Variants in ZFAND3 observed in about 807,000 individuals in gnomAD.
ZFAND3 encodes the protein AN1-type zinc finger protein 3.
Under a neutral mutation model 29.6 loss-of-function variants are expected in ZFAND3, and 10 were observed. The ratio of observed to expected loss-of-function variants is 0.34; its 90% confidence interval spans 0.21 to 0.57. The LOEUF is 0.57. Among genes scored for constraint, ZFAND3 ranks in the 20% least tolerant of loss-of-function variants. The probability of loss-of-function intolerance (pLI) is 0.86; values close to 1 mark genes in which losing one functional copy is unlikely to be tolerated. For missense variants in ZFAND3, 230 were observed against 304.5 expected, an observed-to-expected ratio of 0.76 and a Z score of 1.82; for synonymous variants, 128 against 112.6, an observed-to-expected ratio of 1.14 and a Z score of -0.87.
intron 2 of ZFAND3, among the ~76,000 whole-genome samples, chr6:38,056,750 C>T (rs949542934): frequency 6.6e-6 from 1 of 152,178 alleles, no homozygotes; most frequent in African/African-American, 2.4e-5. Context: ...TTGCTAGCAC[C>T]ATTAGGTCAC....
rs1766295968 is a variant in ZFAND3 at position 38,154,119 on chromosome 6, G to T, written c.*1730G>T. Reference sequence around the variant, plus strand: ...GCTCTAGGGCAACCCAGGGCAGAGGGGCCAGGTCTGCCCAGCGTTTACCAC... The same window carrying T: ...GCTCTAGGGCAACCCAGGGCAGAGGTGCCAGGTCTGCCCAGCGTTTACCAC... On this transcript the variant is annotated 3_prime_UTR_variant, in exon 6 of 6. Coordinates refer to ENST00000287218, the MANE Select transcript of ZFAND3 (RefSeq NM_021943.3). The T allele has an allele frequency of 1.0e-6, 1 of 985,410 alleles. No individual in the cohort carries two copies. The highest frequency in any genetic ancestry group is 4.7e-5 in the South Asian group (1 of 21,298). The allele number at this position is 985,410 out of a possible 1,614,324, so 61.0% of individuals were successfully genotyped here.
intron 2 of ZFAND3, among the ~76,000 whole-genome samples, chr6:38,037,488 C>T (rs1763681361): frequency 2.0e-5 from 3 of 152,188 alleles, no homozygotes; most frequent in Non-Finnish European, 2.9e-5. Context: ...TATGTAACTT[C>T]TTGATAAAAA....
At chr6:38,036,054 C>T (rs551006656) in intron 2 of ZFAND3, among the ~76,000 whole-genome samples, 2 of 152,202 alleles carry the variant, frequency 1.3e-5, no homozygotes, top group Non-Finnish European at 2.9e-5. Flanking sequence ...AATTCAGGGT[C>T]CCCTCTCTCC....
intron 1 of ZFAND3, among the ~76,000 whole-genome samples, chr6:37,821,546 T>G (rs1038479107): frequency 6.6e-6 from 1 of 151,924 alleles, no homozygotes; most frequent in Non-Finnish European, 1.5e-5. Context: ...ACACAGGGAG[T>G]GTAGGGTGGA....
Position 37,936,381 on chromosome 6 carries a change from G to C in ZFAND3, c.112+6382G>C, listed in dbSNP as rs563397082. Among the ~76,000 whole-genome samples, 6 of 152,320 alleles carry C rather than the reference G, an allele frequency of 3.9e-5. No individual in the cohort carries two copies. The South Asian group carries it at 1.2e-3, about 32-fold the overall frequency. Reference sequence around the variant, plus strand: ...GTATACTTTATAAGGCAGTGAGTCAGAAGATATGTTTAAGAAATGGAAGGT... The same window carrying C: ...GTATACTTTATAAGGCAGTGAGTCACAAGATATGTTTAAGAAATGGAAGGT... On this transcript the variant is annotated intron_variant, in intron 2 of 5. Transcript: ENST00000287218.
At chr6:38,106,046 A>G (rs9470779) in intron 4 of ZFAND3, among the ~76,000 whole-genome samples, 15,356 of 152,176 alleles carry the variant, frequency 0.1, 943 homozygotes, top group African/African-American at 0.15. Context: ...TCAAACTGGC[A>G]TTCTCCAAGG....
chr6:38,082,431 C>T lies in ZFAND3; in HGVS notation c.335C>T (p.Thr112Ile), dbSNP rs1177541087. 1.2e-6 allele frequency: 2 copies of T among 1,612,216 alleles called. No homozygotes were observed. Among genetic ancestry groups the T allele is most frequent in the Non-Finnish European group, 1.7e-6 (2 of 1,178,900 alleles). ...CTDTAHVSLI[T>I]PTKRSCGTDS... ...GACACAGCTCATGTCTCATTAATCA[C>T]ACCAACAAAAAGATCCTGTGGTACA... The change falls in exon 4 of 6, where the codon ACA (threonine) becomes ATA (isoleucine). Residue 112 changes from threonine to isoleucine, a missense_variant. By Grantham distance (89) the Thr-to-Ile change is moderately conservative. Transcript: ENST00000287218.
chr6:37,907,128 CTCTG>C (rs1248510434), intron 1 of ZFAND3, among the ~76,000 whole-genome samples: 12 of 151,962 alleles, frequency 7.9e-5, no homozygotes, highest in African/African-American at 2.7e-4. Flanking sequence ...TGCACTGACT[CTCTG>C]TCTGCACTAA....
chr6:38,146,509 A>T (rs1000440583), intron 5 of ZFAND3, among the ~76,000 whole-genome samples: 9 of 152,150 alleles, frequency 5.9e-5, no homozygotes, highest in African/African-American at 2.2e-4. Flanking sequence ...CGCCCACACA[A>T]GTTCTTCAGC....
intron 2 of ZFAND3, among the ~76,000 whole-genome samples, chr6:37,963,419 G>T (rs1048022658): frequency 6.6e-6 from 1 of 152,010 alleles, no homozygotes; most frequent in Admixed American, 6.6e-5. Context: ...AAATAACAAT[G>T]CATCTTAACT....
intron 2 of ZFAND3, among the ~76,000 whole-genome samples, chr6:37,988,296 C>T (rs554688020): frequency 6.6e-6 from 1 of 152,334 alleles, no homozygotes; most frequent in Non-Finnish European, 1.5e-5. Context: ...TTCAATGCTG[C>T]TTTCCTAGTA....
At chr6:38,100,807 C>T (rs1196271156) in intron 4 of ZFAND3, among the ~76,000 whole-genome samples, 1 of 152,166 alleles carries the variant, frequency 6.6e-6, no homozygotes, top group East Asian at 1.9e-4. Context: ...CCCCCCTACC[C>T]AGCTTTTCCT....
At position 38,069,606 on chromosome 6, in the gene ZFAND3, A is replaced by T. The variant is rs1045711714; in HGVS notation, c.295+7831A>T. Among the ~76,000 whole-genome samples, 3 of 152,336 alleles carry T rather than the reference A, an allele frequency of 2.0e-5. No individual in the cohort carries two copies. In the South Asian group the frequency reaches 6.2e-4, roughly 32 times the overall value. On this transcript the variant is annotated intron_variant, in intron 3 of 5. Transcript: ENST00000287218. ...TTTATTAGGGCTGTGTTCTGAAAAG[A>T]TTGATACTTTGCAGTACAGTATAAT...
chr6:37,952,766 C>G (rs1270269846), intron 2 of ZFAND3, among the ~76,000 whole-genome samples: 1 of 152,016 alleles, frequency 6.6e-6, no homozygotes, highest in African/African-American at 2.4e-5. Flanking sequence ...GGGTCAGGAA[C>G]AAGTCCTGGT....
At chr6:38,012,536 G>C (rs151191342) in intron 2 of ZFAND3, among the ~76,000 whole-genome samples, 2,158 of 152,034 alleles carry the variant, frequency 0.014, 42 homozygotes, top group African/African-American at 0.048. Context: ...GTGCCACCAC[G>C]CCTGGCTAAT....
At chr6:37,994,471 G>C (rs1354813397) in intron 2 of ZFAND3, among the ~76,000 whole-genome samples, 2 of 152,142 alleles carry the variant, frequency 1.3e-5, no homozygotes, top group African/African-American at 4.8e-5. Context: ...TTTTCTCTCA[G>C]AAATTGCCTG....
chr6:37,911,216 T>C (rs1765515393), intron 1 of ZFAND3, among the ~76,000 whole-genome samples: 1 of 152,230 alleles, frequency 6.6e-6, no homozygotes, highest in African/African-American at 2.4e-5. Context: ...CTTGTCTTTT[T>C]GGATCATGGC....
chr6:37,915,320 C>G (rs1761227173), intron 1 of ZFAND3, among the ~76,000 whole-genome samples: 1 of 152,198 alleles, frequency 6.6e-6, no homozygotes, highest in Non-Finnish European at 1.5e-5. Context: ...TTCGTATGTT[C>G]ACTGGAGTAG....
chr6:38,050,957 G>A (rs1404186968), intron 2 of ZFAND3, among the ~76,000 whole-genome samples: 1 of 152,156 alleles, frequency 6.6e-6, no homozygotes, highest in Non-Finnish European at 1.5e-5. Flanking sequence ...AAGATTGGTG[G>A]TGTGTGACCC....
Sources: allele counts gnomAD v4.1 joint callset (sites outside exome capture counted in the v4.1 genomes callset), GRCh38; gene constraint gnomAD v4.1.1; transcripts MANE v1.5; gene names NCBI Gene and HGNC (gene_info 2026-07-23, HGNC 2026-07-21).